Variants in GOLGA3 observed in about 807,000 individuals in gnomAD.
GOLGA3 encodes golgin subfamily A member 3.
A neutral mutation model predicts 169.4 loss-of-function variants in GOLGA3; 75 were observed. That is an observed-to-expected ratio of 0.44 (90% CI 0.37 to 0.54). The LOEUF (loss-of-function observed/expected upper bound fraction) is 0.54, where lower values mean the gene tolerates loss of function less well. GOLGA3 is among the 20% of genes least tolerant of loss of function. The pLI is 0.00. For synonymous variants in GOLGA3, 824 were observed against 822.4 expected (o/e 1.00, Z -0.03); for missense variants, 1,899 against 1,930.0 (o/e 0.98, Z 0.30).
chr12:132,819,750 C>T (rs1252020798), intron 2 of GOLGA3, among the ~76,000 whole-genome samples: 1 of 150,840 alleles, frequency 6.6e-6, no homozygotes, highest in Non-Finnish European at 1.5e-5. Flanking sequence ...ATAAAAGTTA[C>T]TGGGTTAGGC....
At chr12:132,813,554 G>T in intron 3 of GOLGA3, 135 bp from the exon 4 acceptor site, 1 of 562,146 alleles carries the variant, frequency 1.8e-6, no homozygotes, top group Non-Finnish European at 3.2e-6. Context: ...ATCTTGTTTG[G>T]AAGGACAATT....
At chr12:132,785,577 C>T (rs985473904) in intron 15 of GOLGA3, among the ~76,000 whole-genome samples, 5 of 152,176 alleles carry the variant, frequency 3.3e-5, no homozygotes, top group African/African-American at 9.6e-5. Context: ...CCTCCCAAAG[C>T]GCTGGGATTA....
Position 132,828,803 on chromosome 12 carries a change from C to T in GOLGA3, c.-184G>A, listed in dbSNP as rs1030090036. On this transcript the variant is annotated splice_region_variant and 5_prime_UTR_variant, in exon 1 of 24. Transcript: ENST00000450791. Reference sequence around the variant, plus strand: ...GCGCCGCGGCCTCCGAGCCCCTCACCCTGCTGCTCTGGCAGCCCCGGAGGC... The same window carrying T: ...GCGCCGCGGCCTCCGAGCCCCTCACTCTGCTGCTCTGGCAGCCCCGGAGGC... The T allele has an allele frequency of 6.6e-6, 1 of 152,320 alleles. No individual in the cohort carries two copies. The highest frequency in any genetic ancestry group is 1.5e-5 in the Non-Finnish European group (1 of 68,126). The allele number at this position is 152,320 out of a possible 1,614,324, so 9.4% of individuals were successfully genotyped here.
At chr12:132,778,854 C>T (rs2045392513) in intron 18 of GOLGA3, among the ~76,000 whole-genome samples, 1 of 150,870 alleles carries the variant, frequency 6.6e-6, no homozygotes, top group African/African-American at 2.4e-5. Context: ...AAGATTAAGC[C>T]ACTGCACTCC....
At chr12:132,780,280 G>A (rs534686307) in intron 18 of GOLGA3, among the ~76,000 whole-genome samples, 3 of 152,280 alleles carry the variant, frequency 2.0e-5, no homozygotes, top group Non-Finnish European at 4.4e-5. Flanking sequence ...GCCAGGTATG[G>A]CGGAGGTAGC....
At chr12:132,784,361 T>A (rs978636900) in intron 15 of GOLGA3, 54 bp from the exon 16 acceptor site, 6 of 1,483,000 alleles carry the variant, frequency 4.0e-6, no homozygotes, top group Non-Finnish European at 5.5e-6. Context: ...CTGACCCCCC[T>A]CACTTCCTGT....
In GOLGA3 at chr12:132,775,248, T is replaced by C; in HGVS notation, c.4036A>G (p.Lys1346Glu). The change falls in exon 22 of 24, where the codon AAA (lysine) becomes GAA (glutamate). Residue 1346 changes from lysine (K) to glutamate (E), a missense_variant. Coordinates refer to ENST00000450791, the MANE Select transcript of GOLGA3 (RefSeq NM_001389683.1). ...GACACTTTTGCCTGGAGCATAAATT[T>C]ATCCTTCTGGGTCATGGACAGGTCT... ...QEDLSMTQKDKFMLQAKVSEL... is the reference protein window; with the variant it reads ...QEDLSMTQKDEFMLQAKVSEL... The C allele has an allele frequency of 6.2e-7, 1 of 1,614,088 alleles. No homozygotes were observed. The highest frequency in any genetic ancestry group is 1.1e-5 in the South Asian group (1 of 91,082).
chr12:132,788,941 C>CCCGCCCCAGACACAGGCA, intron 13 of GOLGA3, 86 bp downstream of exon 13: 1 of 1,131,640 alleles, frequency 8.8e-7, no homozygotes, highest in Non-Finnish European at 1.2e-6. Flanking sequence ...AGACACAGGC[C>CCCGCCCCAGACACAGGCA]CCGCCCCAGA....
chr12:132,822,056 C>T lies in GOLGA3; in HGVS notation c.73G>A (p.Glu25Lys), dbSNP rs187961286. Reference sequence around the variant, plus strand: ...GGGCCCGGGGGCTTCAGTGGGGCCTCGGGGAGAGACGAGGGGCCACTGTGG... The same window carrying T: ...GGGCCCGGGGGCTTCAGTGGGGCCTTGGGGAGAGACGAGGGGCCACTGTGG... ...RSHSGPSSLPEAPLKPPGPLV... is the reference protein window; with the variant it reads ...RSHSGPSSLPKAPLKPPGPLV... The change falls in exon 2 of 24, where the codon GAG becomes AAG. Residue 25 changes from glutamate to lysine, a missense_variant. Physicochemically the swap from Glu to Lys is moderately conservative, Grantham distance 56. Coordinates refer to ENST00000450791, the MANE Select transcript of GOLGA3 (RefSeq NM_001389683.1). 12 of 1,606,370 alleles carry T rather than the reference C, an allele frequency of 7.5e-6. No individual in the cohort carries two copies. The highest frequency in any genetic ancestry group is 3.3e-5 in the South Asian group (3 of 90,270).
intron 16 of GOLGA3, among the ~76,000 whole-genome samples, chr12:132,783,597 G>T (rs1380697571): frequency 9.7e-6 from 1 of 102,636 alleles, no homozygotes; most frequent in African/African-American, 3.3e-5. Flanking sequence ...TTCTTTTTTT[G>T]AGACGGAGTC....
chr12:132,807,804 C>A (rs1327915292), intron 5 of GOLGA3, 87 bp downstream of exon 5: 1 of 223,830 alleles, frequency 4.5e-6, no homozygotes, highest in African/African-American at 2.5e-5. Context: ...TCTGCTACCG[C>A]CCCACCCACC....
At chr12:132,821,917 A>G in intron 2 of GOLGA3, 79 bp downstream of exon 2, 1 of 884,496 alleles carries the variant, frequency 1.1e-6, no homozygotes, top group Non-Finnish European at 1.7e-6. Context: ...TCTCAACGCC[A>G]CATCCTCCCT....
intron 23 of GOLGA3, 75 bp downstream of exon 23, chr12:132,774,082 C>G: frequency 7.3e-7 from 1 of 1,370,126 alleles, no homozygotes; most frequent in Non-Finnish European, 9.9e-7. Context: ...AGTACTGGCA[C>G]CAGGAGTGCC....
intron 9 of GOLGA3, 148 bp downstream of exon 9, chr12:132,798,192 C>T (rs1376020360): frequency 3.4e-6 from 2 of 592,480 alleles, no homozygotes; most frequent in Non-Finnish European, 5.1e-6. Flanking sequence ...GGGGGGGGTC[C>T]CAAAGCCTTA....
chr12:132,814,905 A>G lies in GOLGA3; in HGVS notation c.407-1486T>C, dbSNP rs1285401487. Reference sequence around the variant, plus strand: ...GTTATAGTTACAAACCCAGGGCTCCACTTCCCAGGACTGAGTGTGTGGCCT... The same window carrying G: ...GTTATAGTTACAAACCCAGGGCTCCGCTTCCCAGGACTGAGTGTGTGGCCT... On this transcript the variant is annotated intron_variant, in intron 3 of 23. Transcript: ENST00000450791. Among the ~76,000 whole-genome samples, 3 of 152,244 alleles carry G rather than the reference A, an allele frequency of 2.0e-5. No homozygotes were observed. In the East Asian group the frequency reaches 5.8e-4, roughly 29 times the overall value.
rs533919573 is a variant in GOLGA3 at position 132,807,265 on chromosome 12, G to T, written c.1202C>A (p.Ala401Glu). 1.2e-4 allele frequency: 188 copies of T among 1,577,296 alleles called. 3 individuals are homozygous for T. In the South Asian group the frequency reaches 1.7e-3, roughly 14 times the overall value. The change falls in exon 6 of 24, where the codon GCA becomes GAA. Residue 401 changes from alanine (A) to glutamate (E), a missense_variant. By Grantham distance (107) the Ala-to-Glu change is moderately radical (BLOSUM62 -1). Transcript: ENST00000450791. ...CTGCAGCATCTCCTCCTGTGTTTCT[G>T]CTGCAGAGCTCTCCAAGGACACGCT... ...CSSVSLESSA[A>E]ETQEEMLQVL...
At position 132,775,218 on chromosome 12, in the gene GOLGA3, G is replaced by A; in HGVS notation, c.4066C>T (p.Leu1356=). 3 of 1,614,144 alleles carry A rather than the reference G, an allele frequency of 1.9e-6. No homozygotes were observed. Among genetic ancestry groups the A allele is most frequent in the East Asian group, 2.2e-5 (1 of 44,892 alleles). The part of the protein sequence containing the change: ...KFMLQAKVSE[L]KNNMKTLLQQ... ...AGCAGGGTCTTCATGTTGTTCTTCA[G>A]CTCCGACACTTTTGCCTGGAGCATA... Residue 1356 remains leucine (L), a synonymous_variant, in exon 22 of 24, where the codon CTG becomes TTG. Transcript: ENST00000450791.
chr12:132,794,333 TAAA>T (rs1218754773), intron 11 of GOLGA3, among the ~76,000 whole-genome samples: 4 of 132,408 alleles, frequency 3.0e-5, no homozygotes, highest in African/African-American at 5.6e-5. Flanking sequence ...CGTATCTATT[TAAA>T]AAAAAAAAAA....
rs3741487 is a variant in GOLGA3, at chr12:132,808,301, C to G, written c.768G>C (p.Ala256=). Residue 256 remains alanine (A), a synonymous_variant, in exon 5 of 24, where the codon GCG becomes GCC. Coordinates refer to ENST00000450791, the MANE Select transcript of GOLGA3 (RefSeq NM_001389683.1). ...CCGGGACATTTCCCCCAGAATTCCC[C>G]GCATTTGAATCTTCAGTTCTGTAAT... is the stretch of plus-strand genomic sequence containing the variant. The part of the protein sequence containing the change: ...LADYRTEDSN[A]GNSGGNVPAP... 6.2e-7 allele frequency: 1 copy of G among 1,614,114 alleles called. No homozygotes were observed. The highest frequency in any genetic ancestry group is 8.5e-7 in the Non-Finnish European group (1 of 1,180,024).
Sources: allele counts gnomAD v4.1 joint callset (sites outside exome capture counted in the v4.1 genomes callset), GRCh38; gene constraint gnomAD v4.1.1; transcripts MANE v1.5; gene names NCBI Gene and HGNC (gene_info 2026-07-23, HGNC 2026-07-21).